The following HEMK2 variants were observed in gnomAD, a reference collection of about 807,000 sequenced individuals.
HEMK2 encodes methyltransferase HEMK2.
the HEMK2 span, among the ~76,000 whole-genome samples, chr21:28,738,956 A>C: frequency 6.6e-6 from 1 of 152,232 alleles, no homozygotes; most frequent in South Asian, 2.1e-4. Context: ...TCTCTGAATA[A>C]TTCTATGACC....
the HEMK2 span, among the ~76,000 whole-genome samples, chr21:28,647,348 A>G: frequency 3.2e-5 from 3 of 92,548 alleles, no homozygotes; most frequent in African/African-American, 1.5e-4. Flanking sequence ...AAAAAAAAAC[A>G]TACAAAAAAA....
the HEMK2 span, among the ~76,000 whole-genome samples, chr21:28,748,527 T>C: frequency 6.6e-6 from 1 of 152,228 alleles, no homozygotes; most frequent in South Asian, 2.1e-4. Flanking sequence ...GGCTTGATTC[T>C]TTCCCTCAAG....
the HEMK2 span, among the ~76,000 whole-genome samples, chr21:28,801,792 C>T: frequency 1.6e-4 from 25 of 152,082 alleles, no homozygotes; most frequent in African/African-American, 4.6e-4. Flanking sequence ...ATGAAACATA[C>T]GAGAGAATGT....
chr21:28,770,122 C>T, the HEMK2 span, among the ~76,000 whole-genome samples: 1 of 152,082 alleles, frequency 6.6e-6, no homozygotes, highest in East Asian at 1.9e-4. Context: ...GCTTTTGTGA[C>T]GTTGAATTTG....
the HEMK2 span, among the ~76,000 whole-genome samples, chr21:28,822,345 G>A: frequency 2.0e-5 from 3 of 152,114 alleles, no homozygotes; most frequent in Non-Finnish European, 2.9e-5. Context: ...TTTGGCAATT[G>A]TGGTCCAAGT....
At chr21:28,838,996 TATATACATATATATAC>T in the HEMK2 span, among the ~76,000 whole-genome samples, 742 of 60,484 alleles carry the variant, frequency 0.012, 17 homozygotes, top group Middle Eastern at 0.053. Flanking sequence ...TATATATATA[TATATACATATATATAC>T]ACAATCTGCC....
At chr21:28,781,644 A>T in the HEMK2 span, among the ~76,000 whole-genome samples, 6 of 152,242 alleles carry the variant, frequency 3.9e-5, no homozygotes, top group African/African-American at 1.4e-4. Context: ...ATTTGTGTGA[A>T]CAGCTTAATT....
At chr21:28,672,990 GAAAAAGAAAGAGAA>G in the HEMK2 span, among the ~76,000 whole-genome samples, 1 of 126,402 alleles carries the variant, frequency 7.9e-6, no homozygotes, top group Non-Finnish European at 1.6e-5. Flanking sequence ...AAGAGAGAAA[GAAAAAGAAAGAGAA>G]AGAAAGAAAG....
the HEMK2 span, among the ~76,000 whole-genome samples, chr21:28,804,380 C>T: frequency 7.6e-4 from 116 of 152,140 alleles, 1 homozygote; most frequent in Non-Finnish European, 1.3e-3. Flanking sequence ...CAAGAACAGC[C>T]AGATTTTCTT....
the HEMK2 span, among the ~76,000 whole-genome samples, chr21:28,637,171 C>A: frequency 6.6e-6 from 1 of 152,266 alleles, no homozygotes; most frequent in South Asian, 2.1e-4. Context: ...CATAGACTGA[C>A]TCAGCCTTGC....
At chr21:28,578,392 A>G in the HEMK2 span, among the ~76,000 whole-genome samples, 3 of 152,176 alleles carry the variant, frequency 2.0e-5, no homozygotes, top group African/African-American at 7.2e-5. Flanking sequence ...AAGGATTTCC[A>G]CCCTCAGGTG....
At chr21:28,784,802 G>A in the HEMK2 span, among the ~76,000 whole-genome samples, 1 of 152,188 alleles carries the variant, frequency 6.6e-6, no homozygotes, top group Non-Finnish European at 1.5e-5. Flanking sequence ...GCCAGATAAG[G>A]GAATAAAAGC....
chr21:28,845,492 T>C, the HEMK2 span, among the ~76,000 whole-genome samples: 1 of 152,222 alleles, frequency 6.6e-6, no homozygotes, highest in African/African-American at 2.4e-5. Flanking sequence ...TTTACTGCCT[T>C]ATGTTTATAC....
the HEMK2 span, among the ~76,000 whole-genome samples, chr21:28,790,431 A>G: frequency 1.3e-5 from 2 of 152,206 alleles, no homozygotes; most frequent in African/African-American, 4.8e-5. Flanking sequence ...AGACTGCCAC[A>G]GAGAGTACCA....
chr21:28,830,814 T>G, the HEMK2 span, among the ~76,000 whole-genome samples: 1 of 148,286 alleles, frequency 6.7e-6, no homozygotes, highest in Non-Finnish European at 1.5e-5. Flanking sequence ...GAGGAGGAAG[T>G]TGCAGTGAGC....
the HEMK2 span, among the ~76,000 whole-genome samples, chr21:28,751,780 A>T: frequency 6.6e-6 from 1 of 152,180 alleles, no homozygotes; most frequent in African/African-American, 2.4e-5. Context: ...CCTGGGTTCA[A>T]ACGATTCTCC....
At chr21:28,641,200 G>T in the HEMK2 span, among the ~76,000 whole-genome samples, 716 of 152,196 alleles carry the variant, frequency 4.7e-3, 9 homozygotes, top group African/African-American at 0.016. Flanking sequence ...GTTTTTAAAA[G>T]TCTAAACTCT....
the HEMK2 span, among the ~76,000 whole-genome samples, chr21:28,613,078 A>AGAT: frequency 6.7e-6 from 1 of 150,218 alleles, no homozygotes; most frequent in African/African-American, 2.5e-5. Context: ...GAAATGTGAT[A>AGAT]GATAGATAGA....
the HEMK2 span, among the ~76,000 whole-genome samples, chr21:28,770,865 C>G: frequency 3.3e-5 from 5 of 152,234 alleles, no homozygotes; most frequent in Admixed American, 3.3e-4. Flanking sequence ...ACACTGAGCA[C>G]CTAGATCAGA....
Sources: allele counts gnomAD v4.1 joint callset (sites outside exome capture counted in the v4.1 genomes callset), GRCh38; gene constraint gnomAD v4.1.1; transcripts MANE v1.5; gene names NCBI Gene and HGNC (gene_info 2026-07-23, HGNC 2026-07-21).